The following DTNA variants were observed in gnomAD, a reference collection of about 807,000 sequenced individuals.
The protein encoded by DTNA is dystrobrevin alpha.
DTNA carries 43 observed loss-of-function variants against 100.7 expected under a neutral mutation model. That is an observed-to-expected ratio of 0.43 (90% CI 0.33 to 0.55). DTNA has a LOEUF of 0.55. Among genes scored for constraint, DTNA ranks in the 20% least tolerant of loss-of-function variants. The probability of loss-of-function intolerance (pLI) is 0.04; values close to 1 mark genes in which losing one functional copy is unlikely to be tolerated. For missense variants in DTNA, 798 were observed against 953.9 expected (o/e 0.84, Z 2.15); for synonymous variants, 349 against 347.9 (o/e 1.00, Z -0.04).
intron 11 of DTNA, among the ~76,000 whole-genome samples, chr18:34,836,497 A>C (rs1250687048): frequency 6.6e-6 from 1 of 151,910 alleles, no homozygotes; most frequent in Non-Finnish European, 1.5e-5. Flanking sequence ...AAAATTCAAA[A>C]ATTAGCCAGG....
rs553798519 is a variant in DTNA at position 34,619,786 on chromosome 18, G to A, written c.-2+126272G>A. 1.7e-4 allele frequency among the ~76,000 whole-genome samples: 26 copies of A among 152,318 alleles called. No homozygotes were observed. In the South Asian group the frequency reaches 5.2e-3, roughly 30 times the overall value. ...GGATAAATGGGATGACATATCTGGT[G>A]TAGAGATACTGATTTAAAAGTCATT... On this transcript the variant is annotated intron_variant, in intron 1 of 19. Coordinates refer to the DTNA transcript ENST00000283365.
Position 34,888,674 on chromosome 18 carries a change from G to A in DTNA, c.*940G>A, listed in dbSNP as rs966459937. ...TACTAAAGCTGTTTATAAACCACAG[G>A]TGCCATAAGATCCCCAAACGGACTA... On this transcript the variant is annotated 3_prime_UTR_variant, in exon 23 of 23. Coordinates refer to ENST00000444659, the MANE Select transcript of DTNA (RefSeq NM_001386795.1). 3.0e-6 allele frequency: 3 copies of A among 985,624 alleles called. No homozygotes were observed. The highest frequency in any genetic ancestry group is 3.6e-6 in the Non-Finnish European group (3 of 829,946). The allele number at this position is 985,624 out of a possible 1,614,324, so 61.1% of individuals were successfully genotyped here.
chr18:34,859,273 A>G (rs1424069346), intron 16 of DTNA, among the ~76,000 whole-genome samples: 1 of 152,122 alleles, frequency 6.6e-6, no homozygotes, highest in African/African-American at 2.4e-5. Flanking sequence ...AAAGAATTGG[A>G]CAAAACGCAC....
intron 1 of DTNA, among the ~76,000 whole-genome samples, chr18:34,741,563 A>G (rs998742949): frequency 1.3e-5 from 2 of 152,192 alleles, no homozygotes; most frequent in Non-Finnish European, 2.9e-5. Flanking sequence ...CTTTATGTCC[A>G]AGGATTTCAT....
chr18:34,567,289 G>A (rs1189004840), intron 1 of DTNA, among the ~76,000 whole-genome samples: 1 of 151,974 alleles, frequency 6.6e-6, no homozygotes, highest in African/African-American at 2.4e-5. Flanking sequence ...TGAGATTATG[G>A]TAAGTATGTT....
At chr18:34,552,610 T>C (rs2045559154) in intron 1 of DTNA, among the ~76,000 whole-genome samples, 1 of 147,744 alleles carries the variant, frequency 6.8e-6, no homozygotes, top group Non-Finnish European at 1.5e-5. Flanking sequence ...TTCCCACCTA[T>C]GGTGAGAATA....
intron 1 of DTNA, among the ~76,000 whole-genome samples, chr18:34,598,550 G>A (rs1431943534): frequency 3.3e-5 from 5 of 152,154 alleles, no homozygotes; most frequent in South Asian, 2.1e-4. Context: ...GTGAAAGCTT[G>A]TGGAAAACTT....
intron 1 of DTNA, among the ~76,000 whole-genome samples, chr18:34,750,298 A>C (rs1416479624): frequency 1.3e-5 from 2 of 152,108 alleles, no homozygotes; most frequent in African/African-American, 4.8e-5. Flanking sequence ...GGACACTGGG[A>C]ATTCTTTTAA....
chr18:34,655,986 C>T (rs2074311538), intron 1 of DTNA, among the ~76,000 whole-genome samples: 1 of 152,312 alleles, frequency 6.6e-6, no homozygotes, highest in South Asian at 2.1e-4. Context: ...CACATAAACA[C>T]ATGTTTACAC....
At chr18:34,883,085 A>G (rs2096889058) in intron 21 of DTNA, among the ~76,000 whole-genome samples, 1 of 152,056 alleles carries the variant, frequency 6.6e-6, no homozygotes, top group Non-Finnish European at 1.5e-5. Flanking sequence ...GTAACCAGCG[A>G]CTCATCCTAA....
intron 1 of DTNA, among the ~76,000 whole-genome samples, chr18:34,495,641 TG>T (rs1188532785): frequency 6.6e-6 from 1 of 152,208 alleles, no homozygotes; most frequent in Non-Finnish European, 1.5e-5. Context: ...CAACTATCAG[TG>T]ATTAAAAGCA....
intron 3 of DTNA, among the ~76,000 whole-genome samples, chr18:34,769,324 A>G (rs1025629156): frequency 4.6e-5 from 7 of 152,296 alleles, no homozygotes; most frequent in Non-Finnish European, 1.0e-4. Context: ...AAGTTAGCCA[A>G]CCAGAAGCAG....
At chr18:34,764,755 A>T (rs945017217) in intron 2 of DTNA, among the ~76,000 whole-genome samples, 2 of 152,186 alleles carry the variant, frequency 1.3e-5, no homozygotes, top group African/African-American at 4.8e-5. Flanking sequence ...AGGATAGTTC[A>T]TTTACTTTCT....
At position 34,891,343 on chromosome 18, in the gene DTNA, G is replaced by T. The variant is rs1222969019; in HGVS notation, c.*3609G>T. The T allele has an allele frequency of 6.6e-6, 1 of 152,432 alleles. No individual in the cohort carries two copies. The highest frequency in any genetic ancestry group is 2.4e-5 in the African/African-American group (1 of 41,368). The allele number at this position is 152,432 out of a possible 1,614,324, so 9.4% of individuals were successfully genotyped here. On this transcript the variant is annotated 3_prime_UTR_variant, in exon 23 of 23. Coordinates refer to ENST00000444659, the MANE Select transcript of DTNA (RefSeq NM_001386795.1). ...TTTGAAGTGATTAAACTATTTAATT[G>T]TGTGTCTATATTTTGGAGTGGAATA...
At chr18:34,503,475 G>T (rs2040161719) in intron 1 of DTNA, among the ~76,000 whole-genome samples, 1 of 151,428 alleles carries the variant, frequency 6.6e-6, no homozygotes, top group Non-Finnish European at 1.5e-5. Flanking sequence ...TTTTAGTAGA[G>T]ACAGGGTTCC....
At chr18:34,603,911 G>GA (rs1048490033) in intron 1 of DTNA, among the ~76,000 whole-genome samples, 1 of 151,758 alleles carries the variant, frequency 6.6e-6, no homozygotes, top group Non-Finnish European at 1.5e-5. Flanking sequence ...AGCTTAAAAA[G>GA]AAAAAAATTA....
At chr18:34,573,106 T>C (rs1168693609) in intron 1 of DTNA, among the ~76,000 whole-genome samples, 3 of 152,238 alleles carry the variant, frequency 2.0e-5, no homozygotes, top group African/African-American at 7.2e-5. Context: ...CCTTTTGCTC[T>C]GCTCCCATGT....
At chr18:34,723,865 C>T (rs1036391949) in intron 1 of DTNA, among the ~76,000 whole-genome samples, 5 of 151,922 alleles carry the variant, frequency 3.3e-5, no homozygotes, top group Admixed American at 2.6e-4. Flanking sequence ...TGCCACTGCA[C>T]TCCAGCCTAG....
chr18:34,803,578 C>T (rs190488936), intron 4 of DTNA, among the ~76,000 whole-genome samples: 8 of 152,166 alleles, frequency 5.3e-5, no homozygotes, highest in African/African-American at 1.7e-4. Flanking sequence ...TAATGCTCCT[C>T]GATTTCTTTG....
Sources: gnomAD v4.1 joint callset for allele counts (sites outside exome capture counted in the v4.1 genomes callset) on GRCh38, gnomAD v4.1.1 for gene constraint, MANE v1.5 for transcripts, NCBI Gene and HGNC (gene_info 2026-07-23, HGNC 2026-07-21) for gene names.